The following VWA7 variants were observed in gnomAD, a reference collection of about 807,000 sequenced individuals.
VWA7 encodes the protein von Willebrand factor A domain containing 7, also known as von Willebrand factor A domain-containing protein 7.
In VWA7, 66 loss-of-function variants were observed where a neutral mutation model predicts 83.1. That is an observed-to-expected ratio of 0.79 (90% CI 0.65 to 0.98). The LOEUF (loss-of-function observed/expected upper bound fraction) is 0.98. Ranked by LOEUF, VWA7 falls within the 50% of genes least tolerant of loss-of-function variation. VWA7 has a pLI of 0.00. For missense variants in VWA7, 1,080 were observed against 1,160.2 expected (o/e 0.93, Z 1.00); for synonymous variants, 424 against 488.5 (o/e 0.87, Z 1.74).
At position 31,770,072 on chromosome 6, in the gene VWA7, A is replaced by G. The variant is rs1487384419; in HGVS notation, c.1129T>C (p.Trp377Arg). 6.2e-7 allele frequency: 1 copy of G among 1,612,964 alleles called. No individual in the cohort carries two copies. The part of the protein sequence containing the change: ...VFTTSDPDSF[W>R]QQLNEIHALG... ...GCATGGATCTCATTAAGCTGTTGCC[A>G]GAAGCTGTCAGGGTCACTGGTTGTA... Residue 377 changes from tryptophan to arginine, a missense_variant, in exon 8 of 17, where the codon TGG becomes CGG. Coordinates refer to ENST00000375688, the MANE Select transcript of VWA7 (RefSeq NM_025258.3).
chr6:31,766,651 C>T lies in VWA7; in HGVS notation c.1996G>A (p.Glu666Lys), dbSNP rs1016187981. The change falls in exon 14 of 17, where the codon GAA becomes AAA. Residue 666 changes from glutamate (E) to lysine (K), a missense_variant. Coordinates refer to ENST00000375688, the MANE Select transcript of VWA7 (RefSeq NM_025258.3). The surrounding 1 kb of genome is among the most constrained non-coding windows in gnomAD (Gnocchi z 4.9). ...VILRGVPEGA[E>K]LGQVPLEPVG... ...GGCTCCAAGGGCACCTGGCCTAGTTCGGCACCCTCTGGGACCCCTCGAAGG... is the reference window on the plus strand; with the variant it reads ...GGCTCCAAGGGCACCTGGCCTAGTTTGGCACCCTCTGGGACCCCTCGAAGG... 6 of 1,613,060 alleles carry T rather than the reference C, an allele frequency of 3.7e-6. No individual in the cohort carries two copies. The highest frequency in any genetic ancestry group is 5.1e-6 in the Non-Finnish European group (6 of 1,180,032).
rs745600443 is a variant in VWA7, at chr6:31,776,735, C to T, written c.45G>A (p.Ala15=). Reference sequence around the variant, plus strand: ...GCAGCAACAGCTGCAGCAGAAGCAACGCTGAGGGGCCCGGGTGGGATTGGG... The same window carrying T: ...GCAGCAACAGCTGCAGCAGAAGCAATGCTGAGGGGCCCGGGTGGGATTGGG... ...EVPQSHPGPS[A]LLLLQLLLPP... is the part of the protein sequence containing the mutation. The change falls in exon 2 of 17, where the codon GCG becomes GCA. Residue 15 remains alanine, a synonymous_variant. Transcript: ENST00000375688. This position sits in a 1 kb window ranked among gnomAD's most constrained non-coding sequence, Gnocchi z 6.2. 23 of 1,466,142 alleles carry T rather than the reference C, an allele frequency of 1.6e-5. No individual in the cohort carries two copies. The highest frequency in any genetic ancestry group is 1.3e-4 in the East Asian group (5 of 38,766). The allele number at this position is 1,466,142 out of a possible 1,614,324, so 90.8% of individuals were successfully genotyped here. A position where few individuals can be genotyped will look rare whatever the true frequency, so the allele number is the denominator to read the frequency against.
At position 31,767,760 on chromosome 6, in the gene VWA7, G is replaced by C; in HGVS notation, c.1504-6C>G. On this transcript the variant is annotated splice_region_variant and splice_polypyrimidine_tract_variant and intron_variant, in intron 10 of 16. Coordinates refer to ENST00000375688, the MANE Select transcript of VWA7 (RefSeq NM_025258.3). ...GGGTCCAGGGGAAGAGTCACCTTGAGGGATTGGCAGGACCAGAAAATGGGG... is the reference window on the plus strand; with the variant it reads ...GGGTCCAGGGGAAGAGTCACCTTGACGGATTGGCAGGACCAGAAAATGGGG... 1 of 1,596,382 alleles carries C rather than the reference G, an allele frequency of 6.3e-7. No homozygotes were observed. The highest frequency in any genetic ancestry group is 1.3e-5 in the African/African-American group (1 of 74,676).
Position 31,776,626 on chromosome 6 carries a change from C to A in VWA7, c.154G>T (p.Ala52Ser). 1 of 1,549,076 alleles carries A rather than the reference C, an allele frequency of 6.5e-7. No homozygotes were observed. The change falls in exon 2 of 17, where the codon GCA (alanine) becomes TCA (serine). Residue 52 changes from alanine to serine, a missense_variant. Physicochemically the swap from Ala to Ser is moderately conservative, Grantham distance 99. Coordinates refer to ENST00000375688, the MANE Select transcript of VWA7 (RefSeq NM_025258.3). This position sits in a 1 kb window ranked among gnomAD's most constrained non-coding sequence, Gnocchi z 6.2. ...SITHQDLTEE[A>S]ALNVTLQLFL... ...AGCTGCAGGGTGACGTTGAGCGCTG[C>A]CTCCTCAGTTAGGTCTTGGTGGGTG...
intron 7 of VWA7, among the ~76,000 whole-genome samples, chr6:31,770,514 G>A (rs1043345866): frequency 1.3e-5 from 2 of 149,160 alleles, no homozygotes; most frequent in African/African-American, 2.5e-5. Flanking sequence ...GGGAGGCAGA[G>A]GTTGCAGTGA....
intron 7 of VWA7, chr6:31,771,666 G>C (rs915955893): frequency 6.6e-6 from 1 of 152,146 alleles, no homozygotes; most frequent in Non-Finnish European, 1.5e-5. Context: ...ACCCCATCTT[G>C]ATACCAATCT....
At chr6:31,774,193 C>T (rs887139296) in intron 5 of VWA7, among the ~76,000 whole-genome samples, 4 of 148,696 alleles carry the variant, frequency 2.7e-5, no homozygotes, top group African/African-American at 9.9e-5. Flanking sequence ...AAGGATGGTG[C>T]TTTGTGGAGG....
rs575777619 is a variant in VWA7, at chr6:31,773,175, G to T, written c.918-52C>A. On this transcript the variant is annotated intron_variant, in intron 6 of 16. Transcript: ENST00000375688. The surrounding 1 kb of genome is among the most constrained non-coding windows in gnomAD (Gnocchi z 5.3). ...AAGGGCCTGCACGTTTGTCCCCAGCGCCTGGTTTCTCCCTTCCCGCAGGAG... is the reference window on the plus strand; with the variant it reads ...AAGGGCCTGCACGTTTGTCCCCAGCTCCTGGTTTCTCCCTTCCCGCAGGAG... 1.1e-5 allele frequency: 17 copies of T among 1,593,538 alleles called. No individual in the cohort carries two copies. The highest frequency in any genetic ancestry group is 1.5e-5 in the Non-Finnish European group (17 of 1,170,768).
In VWA7 at chr6:31,769,541, T is replaced by C. The variant is rs189559017; in HGVS notation, c.1317+134A>G. On this transcript the variant is annotated intron_variant, in intron 9 of 16. Transcript: ENST00000375688. The surrounding 1 kb of genome is among the most constrained non-coding windows in gnomAD (Gnocchi z 4.5). ...GTATCAGGAAATGTTCCACTCATTG[T>C]CTGCTTCTCCCACCATATACCAAGG... The C allele has an allele frequency of 2.1e-3, 1,704 of 805,636 alleles. 28 individuals carry two copies. The African/African-American group carries it at 0.026, about 12-fold the overall frequency. 49.9% of individuals were successfully genotyped at this position (805,636 alleles called of 1,614,324 possible).
Position 31,766,561 on chromosome 6 carries a change from TA to T in VWA7, c.2085del (p.Arg696AspfsTer7), listed in dbSNP as rs767593787. The T allele has an allele frequency of 1.1e-5, 17 of 1,612,782 alleles. No individual in the cohort carries two copies. The highest frequency in any genetic ancestry group is 1.4e-5 in the Non-Finnish European group (16 of 1,180,016). On this transcript the variant is annotated frameshift_variant, in exon 14 of 17. Transcript: ENST00000375688. LOFTEE classifies it high-confidence loss of function. The surrounding 1 kb of genome is among the most constrained non-coding windows in gnomAD (Gnocchi z 4.9). ...ASLSPTLLST[P>X]RPFSLELIGQ... ...CCAATCAGCTCCAGGGAGAAGGGTCTAGGGGTGGACAGCAGCGTGGGCGACA... is the reference window on the plus strand; with the variant it reads ...CCAATCAGCTCCAGGGAGAAGGGTCTGGGGTGGACAGCAGCGTGGGCGACA...
rs944869950 is a variant in VWA7, at chr6:31,775,507, C to T, written c.514-78G>A. 9.1e-6 allele frequency: 12 copies of T among 1,313,602 alleles called. No individual in the cohort carries two copies. The highest frequency in any genetic ancestry group is 5.4e-5 in the South Asian group (4 of 74,048). The allele number at this position is 1,313,602 out of a possible 1,614,324, so 81.4% of individuals were successfully genotyped here. ...CCATCTCCAGCACTAATATGCCACT[C>T]CTTTGAGTTCCCCATCCCGAAAGTC... On this transcript the variant is annotated intron_variant, in intron 3 of 16. Coordinates refer to ENST00000375688, the MANE Select transcript of VWA7 (RefSeq NM_025258.3). This position sits in a 1 kb window ranked among gnomAD's most constrained non-coding sequence, Gnocchi z 5.9.
chr6:31,769,621 G>C lies in VWA7; in HGVS notation c.1317+54C>G. The C allele has an allele frequency of 1.0e-5, 15 of 1,489,112 alleles. No individual in the cohort carries two copies. Among genetic ancestry groups the C allele is most frequent in the Non-Finnish European group, 1.4e-5 (15 of 1,068,930 alleles). The allele number at this position is 1,489,112 out of a possible 1,614,324, so 92.2% of individuals were successfully genotyped here. On this transcript the variant is annotated intron_variant, in intron 9 of 16. Coordinates refer to ENST00000375688, the MANE Select transcript of VWA7 (RefSeq NM_025258.3). The surrounding 1 kb of genome is among the most constrained non-coding windows in gnomAD (Gnocchi z 4.5). ...CCTCGTTATGAGATTGTCATCACAG[G>C]GTCTCTCACATCCCTGGGAGGCTAA...
chr6:31,769,019 A>C lies in VWA7; in HGVS notation c.1502T>G (p.Leu501Arg). Reference protein sequence around the residue: ...AAIVGESMAALVTLPLDPPVV... With the variant: ...AAIVGESMAARVTLPLDPPVV... Reference sequence around the variant, plus strand: ...GTGAGGGCCCTGGCCCCCACTTACCAGGGCAGCCATGCTCTCCCCAACAAT... The same window carrying C: ...GTGAGGGCCCTGGCCCCCACTTACCCGGGCAGCCATGCTCTCCCCAACAAT... The change falls in exon 10 of 17, where the codon CTG becomes CGG. Residue 501 changes from leucine (L) to arginine (R), a missense_variant and splice_region_variant. Physicochemically the swap from Leu to Arg is moderately radical, Grantham distance 102. Coordinates refer to ENST00000375688, the MANE Select transcript of VWA7 (RefSeq NM_025258.3). The surrounding 1 kb of genome is among the most constrained non-coding windows in gnomAD (Gnocchi z 4.5). 1 of 1,609,608 alleles carries C rather than the reference A, an allele frequency of 6.2e-7. No homozygotes were observed. Among genetic ancestry groups the C allele is most frequent in the Non-Finnish European group, 8.5e-7 (1 of 1,178,438 alleles).
rs773548340 is a variant in VWA7, at chr6:31,769,952, T to TC, written c.1200+48dup. On this transcript the variant is annotated intron_variant, in intron 8 of 16. Coordinates refer to ENST00000375688, the MANE Select transcript of VWA7 (RefSeq NM_025258.3). This position sits in a 1 kb window ranked among gnomAD's most constrained non-coding sequence, Gnocchi z 4.5. ...TGGGGAGCCCCAGGAGGGATCTAGC[T>TC]CCCCCTGGTGGTGGGGCCAGGAAAC... 33 of 1,573,700 alleles carry TC rather than the reference T, an allele frequency of 2.1e-5. No homozygotes were observed. The highest frequency in any genetic ancestry group is 2.4e-5 in the Non-Finnish European group (27 of 1,146,188).
chr6:31,771,165 T>C (rs1372913069), intron 7 of VWA7: 1 of 152,196 alleles, frequency 6.6e-6, no homozygotes, highest in Non-Finnish European at 1.5e-5. Flanking sequence ...AAGTGCTAAG[T>C]TCTTAGTTAT....
rs1045216562 is a variant in VWA7 at position 31,769,857 on chromosome 6, G to A, written c.1201-66C>T. The A allele has an allele frequency of 1.3e-6, 2 of 1,528,226 alleles. No individual in the cohort carries two copies. Among genetic ancestry groups the A allele is most frequent in the Non-Finnish European group, 1.8e-6 (2 of 1,103,902 alleles). The allele number at this position is 1,528,226 out of a possible 1,614,324, so 94.7% of individuals were successfully genotyped here. ...GGAGGGGAATGGGTAGAGCCACGGA[G>A]GATGAAGCAGAAGGGAATATGGCCC... On this transcript the variant is annotated intron_variant, in intron 8 of 16. Coordinates refer to ENST00000375688, the MANE Select transcript of VWA7 (RefSeq NM_025258.3). The surrounding 1 kb of genome is among the most constrained non-coding windows in gnomAD (Gnocchi z 4.5).
Position 31,768,531 on chromosome 6 carries a change from G to A in VWA7, c.1503+487C>T, listed in dbSNP as rs148651943. ...AATACTGGAAGCCAAGTGGGGAGAG[G>A]TTTACTGATATAAAAGGACAATGCA... is the stretch of plus-strand genomic sequence containing the variant. On this transcript the variant is annotated intron_variant, in intron 10 of 16. Coordinates refer to ENST00000375688, the MANE Select transcript of VWA7 (RefSeq NM_025258.3). Among the ~76,000 whole-genome samples the A allele has an allele frequency of 6.7e-3, 1,015 of 151,514 alleles. 5 individuals carry two copies. Among genetic ancestry groups the A allele is most frequent in the Middle Eastern group, 0.014 (4 of 292 alleles).
Position 31,776,290 on chromosome 6 carries a change from G to A in VWA7, c.235-48C>T. On this transcript the variant is annotated intron_variant, in intron 2 of 16. Transcript: ENST00000375688. The surrounding 1 kb of genome is among the most constrained non-coding windows in gnomAD (Gnocchi z 6.2). ...GGGCTCCAGGGAGGCCCTTTGGATT[G>A]ACTGTTGCCCACCTTATCTCAGCAA... 1 of 1,580,934 alleles carries A rather than the reference G, an allele frequency of 6.3e-7. No homozygotes were observed. The highest frequency in any genetic ancestry group is 8.6e-7 in the Non-Finnish European group (1 of 1,163,122).
In VWA7 at chr6:31,773,747, T is replaced by G. The variant is rs1313736163; in HGVS notation, c.722-310A>C. ...TTGTAATCCCAGCTACTTAGGAGGC[T>G]GAGGAAGGAAAATAGCTTGATCCCA... On this transcript the variant is annotated intron_variant, in intron 5 of 16. Transcript: ENST00000375688. This position sits in a 1 kb window ranked among gnomAD's most constrained non-coding sequence, Gnocchi z 5.3. 6.6e-6 allele frequency among the ~76,000 whole-genome samples: 1 copy of G among 151,966 alleles called. No individual in the cohort carries two copies. The highest frequency in any genetic ancestry group is 1.5e-5 in the Non-Finnish European group (1 of 67,998).
Sources: allele counts gnomAD v4.1 joint callset (sites outside exome capture counted in the v4.1 genomes callset), GRCh38; gene constraint gnomAD v4.1.1; non-coding constraint Gnocchi (gnomAD v3.1); transcripts MANE v1.5; gene names NCBI Gene and HGNC (gene_info 2026-07-23, HGNC 2026-07-21).